Variants in PPP1R14C observed in about 807,000 individuals in gnomAD.
PPP1R14C encodes the protein protein phosphatase 1 regulatory inhibitor subunit 14C, also known as protein phosphatase 1 regulatory subunit 14C.
PPP1R14C carries 16 observed loss-of-function variants against 20.4 expected under a neutral mutation model. The observed-to-expected ratio is 0.78, with a 90% CI of 0.53 to 1.19. The LOEUF is 1.19. PPP1R14C is among the 50% of genes most tolerant of loss of function. The pLI is 0.00. For missense variants in PPP1R14C, 211 were observed against 220.1 expected (o/e 0.96, Z 0.26); for synonymous variants, 91 against 91.0 (o/e 1.00, Z 0.00).
At position 150,214,771 on chromosome 6, in the gene PPP1R14C, G is replaced by T; in HGVS notation, c.334G>T (p.Asp112Tyr). ...EEEEMPEVEI[D>Y]IDDLLDADSD... is the part of the protein sequence containing the mutation. ...AGAAGAAATGCCAGAGGTAGAAATT[G>T]ACATTGATGATCTTCTTGATGCAGA... The change falls in exon 2 of 4, where the codon GAC becomes TAC. Residue 112 changes from aspartate to tyrosine, a missense_variant. By Grantham distance (160) the Asp-to-Tyr change is radical. Coordinates refer to ENST00000361131, the MANE Select transcript of PPP1R14C (RefSeq NM_030949.3). The T allele has an allele frequency of 6.2e-7, 1 of 1,613,262 alleles. No homozygotes were observed. The highest frequency in any genetic ancestry group is 8.5e-7 in the Non-Finnish European group (1 of 1,179,658).
In PPP1R14C at chr6:150,143,600, A is replaced by C; in HGVS notation, c.306+102A>C. The C allele has an allele frequency of 1.2e-6, 1 of 812,442 alleles. No individual in the cohort carries two copies. The highest frequency in any genetic ancestry group is 1.9e-6 in the Non-Finnish European group (1 of 530,760). The allele number at this position is 812,442 out of a possible 1,614,324, so 50.3% of individuals were successfully genotyped here. ...CAGCTCCGGGGCGCGCATGTCCCTG[A>C]CTCCCGGGGACCAAGTGCCAGGAGC... On this transcript the variant is annotated intron_variant, in intron 1 of 3. Coordinates refer to ENST00000361131, the MANE Select transcript of PPP1R14C (RefSeq NM_030949.3). This position sits in a 1 kb window ranked among gnomAD's most constrained non-coding sequence, Gnocchi z 5.6.
chr6:150,243,606 C>T (rs1778457899), intron 3 of PPP1R14C, among the ~76,000 whole-genome samples: 2 of 152,166 alleles, frequency 1.3e-5, no homozygotes. Flanking sequence ...CTTTTTAAGA[C>T]AATATGGTAT....
chr6:150,177,928 C>G (rs1366199114), intron 1 of PPP1R14C, among the ~76,000 whole-genome samples: 2 of 152,204 alleles, frequency 1.3e-5, no homozygotes, highest in Non-Finnish European at 2.9e-5. Context: ...TGTTTTCCCT[C>G]ATCACTGTGT....
chr6:150,212,579 C>T (rs11753049), intron 1 of PPP1R14C, among the ~76,000 whole-genome samples: 58,540 of 152,032 alleles, frequency 0.39, 12,110 homozygotes, highest in African/African-American at 0.54. Context: ...TAATTGTTCT[C>T]TCATTTCCTT....
chr6:150,173,006 C>A (rs1434321517), intron 1 of PPP1R14C, among the ~76,000 whole-genome samples: 1 of 152,116 alleles, frequency 6.6e-6, no homozygotes, highest in Admixed American at 6.6e-5. Context: ...TGTGATGAGC[C>A]ACCCAAATAG....
intron 3 of PPP1R14C, among the ~76,000 whole-genome samples, chr6:150,228,108 T>C (rs1403319932): frequency 6.6e-6 from 1 of 152,216 alleles, no homozygotes; most frequent in Non-Finnish European, 1.5e-5. Context: ...TTAGAATATT[T>C]ATAAAGCTGA....
chr6:150,244,679 T>C (rs796146957), intron 3 of PPP1R14C, among the ~76,000 whole-genome samples: 4 of 152,340 alleles, frequency 2.6e-5, no homozygotes, highest in African/African-American at 9.6e-5. Context: ...ATTTATTTTA[T>C]TTAATTTCAA....
At chr6:150,161,782 C>T (rs1252832022) in intron 1 of PPP1R14C, among the ~76,000 whole-genome samples, 1 of 152,228 alleles carries the variant, frequency 6.6e-6, no homozygotes, top group East Asian at 1.9e-4. Flanking sequence ...TCCCCTATCC[C>T]CTTCAGTGAG....
intron 3 of PPP1R14C, among the ~76,000 whole-genome samples, chr6:150,219,084 A>G (rs936357607): frequency 2.6e-5 from 4 of 151,964 alleles, no homozygotes; most frequent in African/African-American, 9.7e-5. Flanking sequence ...ATTTAACAGT[A>G]TTTTGTTAAA....
At chr6:150,225,154 G>GA (rs963394933) in intron 3 of PPP1R14C, among the ~76,000 whole-genome samples, 4 of 150,368 alleles carry the variant, frequency 2.7e-5, no homozygotes, top group Non-Finnish European at 5.9e-5. Flanking sequence ...AGACTTTGGG[G>GA]AAAAAAAAAG....
chr6:150,188,382 T>C (rs1455354139), intron 1 of PPP1R14C, among the ~76,000 whole-genome samples: 1 of 152,050 alleles, frequency 6.6e-6, no homozygotes, highest in Non-Finnish European at 1.5e-5. Context: ...GAAGGTGAAT[T>C]GGAATTTTAA....
chr6:150,232,526 G>A (rs1778307329), intron 3 of PPP1R14C, among the ~76,000 whole-genome samples: 1 of 152,180 alleles, frequency 6.6e-6, no homozygotes, highest in South Asian at 2.1e-4. Flanking sequence ...AGTCTTCCTT[G>A]TATTTGGCTT....
intron 1 of PPP1R14C, among the ~76,000 whole-genome samples, chr6:150,162,958 G>A (rs976108066): frequency 3.9e-5 from 6 of 152,252 alleles, no homozygotes; most frequent in South Asian, 2.1e-4. Flanking sequence ...TGGCACCAGC[G>A]GTGTGCAAAG....
intron 1 of PPP1R14C, among the ~76,000 whole-genome samples, chr6:150,167,567 C>T (rs926337446): frequency 2.0e-5 from 3 of 152,240 alleles, no homozygotes; most frequent in African/African-American, 7.2e-5. Context: ...TTAGAAGCAA[C>T]AAACTAGGCT....
chr6:150,246,499 C>T (rs1458455126), intron 3 of PPP1R14C, among the ~76,000 whole-genome samples: 4 of 152,118 alleles, frequency 2.6e-5, no homozygotes, highest in Middle Eastern at 3.2e-3. Context: ...GAAAATGTGG[C>T]ATGATTTTAT....
chr6:150,155,400 G>C (rs1408203913), intron 1 of PPP1R14C, among the ~76,000 whole-genome samples: 1 of 152,030 alleles, frequency 6.6e-6, no homozygotes, highest in Non-Finnish European at 1.5e-5. Context: ...AATCCCATTT[G>C]ACCCACATAA....
chr6:150,211,063 G>A (rs1778018641), intron 1 of PPP1R14C, among the ~76,000 whole-genome samples: 1 of 152,138 alleles, frequency 6.6e-6, no homozygotes, highest in South Asian at 2.1e-4. Context: ...ATTCCGCAAG[G>A]TCAGTTCACC....
At chr6:150,196,734 C>T (rs544438365) in intron 1 of PPP1R14C, among the ~76,000 whole-genome samples, 60 of 152,302 alleles carry the variant, frequency 3.9e-4, no homozygotes, top group Non-Finnish European at 4.9e-4. Flanking sequence ...TCTGCTGTGA[C>T]TTGTGATCTG....
At chr6:150,188,677 A>T (rs925909244) in intron 1 of PPP1R14C, among the ~76,000 whole-genome samples, 1 of 149,960 alleles carries the variant, frequency 6.7e-6, no homozygotes, top group Non-Finnish European at 1.5e-5. Context: ...TAGTAGAGAC[A>T]GGGTTTCACC....
Sources: allele counts gnomAD v4.1 joint callset (sites outside exome capture counted in the v4.1 genomes callset), GRCh38; gene constraint gnomAD v4.1.1; non-coding constraint Gnocchi (gnomAD v3.1); transcripts MANE v1.5; gene names NCBI Gene and HGNC (gene_info 2026-07-23, HGNC 2026-07-21).